The following NUDT6 variants were observed in gnomAD, a reference collection of about 807,000 sequenced individuals.
NUDT6 encodes the protein nudix hydrolase 6.
In NUDT6, 24 loss-of-function variants were observed where a neutral mutation model predicts 36.8. That is an observed-to-expected ratio of 0.65 (90% CI 0.47 to 0.92). The LOEUF (loss-of-function observed/expected upper bound fraction) is 0.92, where lower values mean the gene tolerates loss of function less well. Ranked by LOEUF, NUDT6 falls within the 40% of genes least tolerant of loss-of-function variation. NUDT6 has a pLI of 0.00. For synonymous variants in NUDT6, 163 were observed against 157.0 expected (o/e 1.04, Z -0.29); for missense variants, 388 against 392.8 (o/e 0.99, Z 0.10).
At chr4:122,897,399 T>C (rs1292142420) in intron 4 of NUDT6, 8 of 531,568 alleles carry the variant, frequency 1.5e-5, no homozygotes, top group Non-Finnish European at 2.7e-5. Context: ...AACAGAAGAA[T>C]AGGTGGTATG....
chr4:122,922,579 G>C lies in NUDT6; in HGVS notation c.-7C>G. 2.5e-6 allele frequency: 4 copies of C among 1,590,070 alleles called. No homozygotes were observed. The highest frequency in any genetic ancestry group is 3.4e-6 in the Non-Finnish European group (4 of 1,173,196). On this transcript the variant is annotated 5_prime_UTR_variant, in exon 1 of 5. Coordinates refer to ENST00000304430, the MANE Select transcript of NUDT6 (RefSeq NM_007083.5). ...AGCTCAGTGGCTGCCGCATCTCCAC[G>C]CCGCTTAATTCGTCCGTTGCCCAAA...
At chr4:122,905,044 C>T (rs1214574039) in intron 3 of NUDT6, among the ~76,000 whole-genome samples, 2 of 152,098 alleles carry the variant, frequency 1.3e-5, no homozygotes, top group Admixed American at 1.3e-4. Flanking sequence ...GGAAGGGGAC[C>T]CCAGCGGGTT....
chr4:122,892,630 A>AG lies in NUDT6; in HGVS notation c.*197_*198insC. On this transcript the variant is annotated 3_prime_UTR_variant, in exon 5 of 5. Coordinates refer to ENST00000304430, the MANE Select transcript of NUDT6 (RefSeq NM_007083.5). ...CATCTGCTGTTACCCAGTGAAGCTTACCTAGAGCAATGATCTTTTTCACGC... is the reference window on the plus strand; with the variant it reads ...CATCTGCTGTTACCCAGTGAAGCTTAGCCTAGAGCAATGATCTTTTTCACGC... The AG allele has an allele frequency of 7.0e-7, 1 of 1,426,248 alleles. No individual in the cohort carries two copies. Among genetic ancestry groups the AG allele is most frequent in the South Asian group, 1.6e-5 (1 of 63,906 alleles). The allele number at this position is 1,426,248 out of a possible 1,614,324, so 88.3% of individuals were successfully genotyped here. A position where few individuals can be genotyped will look rare whatever the true frequency, so the allele number is the denominator to read the frequency against.
chr4:122,922,259 T>C, intron 1 of NUDT6, 76 bp downstream of exon 1: 1 of 1,285,762 alleles, frequency 7.8e-7, no homozygotes, highest in Non-Finnish European at 1.1e-6. Context: ...ACAGAGCGAC[T>C]AGGGAGTGGG....
chr4:122,903,535 T>C (rs1727564357), intron 3 of NUDT6, among the ~76,000 whole-genome samples: 3 of 152,298 alleles, frequency 2.0e-5, no homozygotes, highest in South Asian at 4.1e-4. Flanking sequence ...GCCTGAGAAT[T>C]TGCATTTTTA....
intron 3 of NUDT6, among the ~76,000 whole-genome samples, chr4:122,910,937 A>G (rs1727720856): frequency 6.6e-6 from 1 of 152,178 alleles, no homozygotes. Context: ...AAATGAAAAG[A>G]GAGATAATTA....
At chr4:122,900,400 A>G (rs1232010124) in intron 3 of NUDT6, among the ~76,000 whole-genome samples, 1 of 149,892 alleles carries the variant, frequency 6.7e-6, no homozygotes, top group Non-Finnish European at 1.5e-5. Context: ...CAGCCTTCCA[A>G]GAAGGTTTGC....
At chr4:122,908,518 C>T (rs965697354) in intron 3 of NUDT6, among the ~76,000 whole-genome samples, 1 of 152,100 alleles carries the variant, frequency 6.6e-6, no homozygotes, top group African/African-American at 2.4e-5. Flanking sequence ...CCTTTTCAGG[C>T]GAAATAAATG....
At chr4:122,901,261 AT>A (rs148205988) in intron 3 of NUDT6, among the ~76,000 whole-genome samples, 6,269 of 152,234 alleles carry the variant, frequency 0.041, 412 homozygotes, top group African/African-American at 0.14. Context: ...CTTTTAACTT[AT>A]AAAAATATGT....
At chr4:122,898,517 A>G (rs112578221) in intron 3 of NUDT6, among the ~76,000 whole-genome samples, 174 of 152,310 alleles carry the variant, frequency 1.1e-3, no homozygotes, top group African/African-American at 4.0e-3. Context: ...CATTCATAAA[A>G]TAAGTTATGG....
chr4:122,896,177 A>G (rs192660532), intron 4 of NUDT6: 3 of 147,586 alleles, frequency 2.0e-5, no homozygotes, highest in African/African-American at 7.5e-5. Context: ...GACAACCACA[A>G]GCACTTTTTT....
rs570610832 is a variant in NUDT6, at chr4:122,898,492, G to A, written c.499-814C>T. On this transcript the variant is annotated intron_variant, in intron 3 of 4. Transcript: ENST00000304430. Reference sequence around the variant, plus strand: ...CATAAGGGAGCTGTACCTTTGGCTAGTACCCTATATTCTTCATTCATAAAA... The same window carrying A: ...CATAAGGGAGCTGTACCTTTGGCTAATACCCTATATTCTTCATTCATAAAA... Among the ~76,000 whole-genome samples the A allele has an allele frequency of 4.6e-5, 7 of 152,266 alleles. No individual in the cohort carries two copies. The South Asian group carries it at 1.4e-3, about 32-fold the overall frequency.
chr4:122,899,453 A>G (rs1415551985), intron 3 of NUDT6, among the ~76,000 whole-genome samples: 1 of 152,100 alleles, frequency 6.6e-6, no homozygotes, highest in African/African-American at 2.4e-5. Context: ...TTATGGCACC[A>G]CTTAGGTTTT....
intron 2 of NUDT6, among the ~76,000 whole-genome samples, chr4:122,915,469 C>CAAAAAAAAAAAAAACAAAAAAAAAAAA (rs1727810965): frequency 2.4e-5 from 1 of 42,248 alleles, no homozygotes; most frequent in African/African-American, 6.6e-5. Flanking sequence ...GACCCTGCCT[C>CAAAAAAAAAAAAAACAAAAAAAAAAAA]AAAAAAAAAA....
rs1056392568 is a variant in NUDT6, at chr4:122,906,688, G to C, written c.498+5880C>G. The stretch of plus-strand genomic sequence containing the variant: ...AAGAGGCTAGGTAAAATAAGGCTGA[G>C]ACCTGCTGGGCTGCATTACCAGGAG... On this transcript the variant is annotated intron_variant, in intron 3 of 4. Coordinates refer to ENST00000304430, the MANE Select transcript of NUDT6 (RefSeq NM_007083.5). 1.4e-4 allele frequency among the ~76,000 whole-genome samples: 21 copies of C among 152,250 alleles called. 1 individual carries two copies. Among genetic ancestry groups the C allele is most frequent in the Admixed American group, 1.3e-3 (20 of 15,298 alleles).
At chr4:122,900,712 C>T (rs1727504810) in intron 3 of NUDT6, among the ~76,000 whole-genome samples, 1 of 145,554 alleles carries the variant, frequency 6.9e-6, no homozygotes, top group Admixed American at 6.8e-5. Context: ...TAATCTCTTC[C>T]TGGGACCTAA....
intron 3 of NUDT6, chr4:122,898,259 T>G (rs1475883112): frequency 1.3e-5 from 2 of 152,240 alleles, no homozygotes; most frequent in Non-Finnish European, 2.9e-5. Flanking sequence ...TTCTTGTCTA[T>G]GAATTCTTTT....
rs753376705 is a variant in NUDT6 at position 122,917,597 on chromosome 4, G to A, written c.346C>T (p.His116Tyr). The part of the protein sequence containing the change: ...APAASLGFCF[H>Y]HAESDSSTLT... ...GTTGATGAATCCGATTCTGCGTGGTGAAAGCAGAAGCCCAGGGAAGCAGCA... is the reference window on the plus strand; with the variant it reads ...GTTGATGAATCCGATTCTGCGTGGTAAAAGCAGAAGCCCAGGGAAGCAGCA... The change falls in exon 2 of 5, where the codon CAC becomes TAC. Residue 116 changes from histidine to tyrosine, a missense_variant. His to Tyr is a moderately conservative substitution (Grantham distance 83, BLOSUM62 2). Transcript: ENST00000304430. The A allele has an allele frequency of 1.2e-6, 2 of 1,614,184 alleles. No individual in the cohort carries two copies. Among genetic ancestry groups the A allele is most frequent in the Admixed American group, 1.7e-5 (1 of 60,028 alleles).
At chr4:122,915,553 C>G (rs1193462516) in intron 2 of NUDT6, among the ~76,000 whole-genome samples, 2 of 151,148 alleles carry the variant, frequency 1.3e-5, no homozygotes, top group Non-Finnish European at 2.9e-5. Flanking sequence ...ACACCCCCAA[C>G]AGTGGCTTCA....
Sources: allele counts gnomAD v4.1 joint callset (sites outside exome capture counted in the v4.1 genomes callset), GRCh38; gene constraint gnomAD v4.1.1; transcripts MANE v1.5; gene names NCBI Gene and HGNC (gene_info 2026-07-23, HGNC 2026-07-21).